Variants in PDS5A observed in about 807,000 individuals in gnomAD.
PDS5A encodes PDS5 cohesin associated factor A, also known as sister chromatid cohesion protein PDS5 homolog A.
A neutral mutation model predicts 167.1 loss-of-function variants in PDS5A; 42 were observed. That is an observed-to-expected ratio of 0.25 (90% CI 0.20 to 0.33). PDS5A has a LOEUF of 0.33. PDS5A is among the 10% of genes least tolerant of loss of function. The pLI is 1.00. For missense variants in PDS5A, 1,033 were observed against 1,605.9 expected (o/e 0.64, Z 6.10); for synonymous variants, 553 against 554.6 (o/e 1.00, Z 0.04).
intron 2 of PDS5A, among the ~76,000 whole-genome samples, chr4:39,966,891 C>T (rs979864333): frequency 3.3e-5 from 3 of 91,986 alleles, no homozygotes; most frequent in Non-Finnish European, 8.0e-5. Flanking sequence ...CCCAGTTACT[C>T]GGGAGGCTGA....
chr4:39,851,417 G>A (rs1718113049), intron 26 of PDS5A, among the ~76,000 whole-genome samples: 1 of 151,780 alleles, frequency 6.6e-6, no homozygotes, highest in African/African-American at 2.4e-5. Context: ...TCCTACCTCA[G>A]CTTCCTGAGT....
At position 39,926,817 on chromosome 4, in the gene PDS5A, A is replaced by G. The variant is rs1725517480; in HGVS notation, c.387T>C (p.Asp129=). 1 of 1,427,140 alleles carries G rather than the reference A, an allele frequency of 7.0e-7. No individual in the cohort carries two copies. Among genetic ancestry groups the G allele is most frequent in the Non-Finnish European group, 9.2e-7 (1 of 1,082,440 alleles). The allele number at this position is 1,427,140 out of a possible 1,614,324, so 88.4% of individuals were successfully genotyped here. A position where few individuals can be genotyped will look rare whatever the true frequency, so the allele number is the denominator to read the frequency against. The change falls in exon 4 of 33, where the codon GAT becomes GAC. Residue 129 remains aspartate, a synonymous_variant. Coordinates refer to ENST00000303538, the MANE Select transcript of PDS5A (RefSeq NM_001100399.2). ...FITRQLKGLE[D]TKSPQFNRYF... is the part of the protein sequence containing the mutation. ...ATCTATTAAACTGTGGACTCTTTGT[A>G]TCCTCCAAACCTTTTAATTGTCTGG...
intron 2 of PDS5A, among the ~76,000 whole-genome samples, chr4:39,958,622 CT>C (rs1445594747): frequency 7.4e-6 from 1 of 134,534 alleles, no homozygotes; most frequent in Non-Finnish European, 1.6e-5. Context: ...TTTTTCTTTT[CT>C]TTTTTCTTTG....
In PDS5A at chr4:39,877,874, C is replaced by T. The variant is rs546048232; in HGVS notation, c.1993-721G>A. Among the ~76,000 whole-genome samples, 9 of 152,138 alleles carry T rather than the reference C, an allele frequency of 5.9e-5. No individual in the cohort carries two copies. In the South Asian group the frequency reaches 1.7e-3, roughly 28 times the overall value. Reference sequence around the variant, plus strand: ...TTCCTGTCTTGGCTGGGATTACAGGCGTAAACCATTGTACCCAGCCAAAAA... The same window carrying T: ...TTCCTGTCTTGGCTGGGATTACAGGTGTAAACCATTGTACCCAGCCAAAAA... On this transcript the variant is annotated intron_variant, in intron 18 of 32. Coordinates refer to ENST00000303538, the MANE Select transcript of PDS5A (RefSeq NM_001100399.2).
chr4:39,876,982 A>G lies in PDS5A; in HGVS notation c.2153+11T>C. On this transcript the variant is annotated intron_variant, in intron 19 of 32. Coordinates refer to ENST00000303538, the MANE Select transcript of PDS5A (RefSeq NM_001100399.2). ...CTTTTGTATTTACCACGGGAGAAAA[A>G]ATGTACTCACGATCGTATCTGGGGA... 1 of 1,595,938 alleles carries G rather than the reference A, an allele frequency of 6.3e-7. No individual in the cohort carries two copies. Among genetic ancestry groups the G allele is most frequent in the Non-Finnish European group, 8.5e-7 (1 of 1,170,432 alleles).
intron 26 of PDS5A, among the ~76,000 whole-genome samples, chr4:39,854,459 T>C (rs987247378): frequency 5.9e-5 from 9 of 152,240 alleles, no homozygotes; most frequent in Admixed American, 4.6e-4. Flanking sequence ...TGCTGTTCCT[T>C]TGACCTCCAA....
chr4:39,861,819 G>C lies in PDS5A; in HGVS notation c.3086+400C>G, dbSNP rs546954675. On this transcript the variant is annotated intron_variant, in intron 26 of 32. Coordinates refer to ENST00000303538, the MANE Select transcript of PDS5A (RefSeq NM_001100399.2). ...TATCAAAATTTTTTAAAAGATATTT[G>C]AAAGTGTTGCATGCTAGAGAGAACA... Among the ~76,000 whole-genome samples the C allele has an allele frequency of 2.6e-5, 4 of 152,216 alleles. No individual in the cohort carries two copies. In the South Asian group the frequency reaches 8.3e-4, roughly 32 times the overall value.
chr4:39,960,986 C>G lies in PDS5A; in HGVS notation c.138+15454G>C, dbSNP rs562010124. ...TACAGGCGTGAGCCACCACACCCAG[C>G]CTAATTTTTTATTTTTTGTAGAGGT... On this transcript the variant is annotated intron_variant, in intron 2 of 32. Transcript: ENST00000303538. Among the ~76,000 whole-genome samples the G allele has an allele frequency of 4.6e-5, 7 of 152,160 alleles. No homozygotes were observed. The South Asian group carries it at 1.5e-3, about 32-fold the overall frequency.
At chr4:39,973,153 C>T (rs1730720718) in intron 2 of PDS5A, 1 of 932,326 alleles carries the variant, frequency 1.1e-6, no homozygotes, top group African/African-American at 1.6e-5. Flanking sequence ...ACCAATGGCA[C>T]TGTTAACTGC....
intron 22 of PDS5A, 97 bp from the exon 23 acceptor site, chr4:39,867,094 T>C (rs963783199): frequency 4.5e-6 from 4 of 898,018 alleles, no homozygotes; most frequent in Non-Finnish European, 6.7e-6. Flanking sequence ...CTCATCTCCA[T>C]CAGCAGACAT....
chr4:39,910,620 A>G (rs1699066188), intron 9 of PDS5A, among the ~76,000 whole-genome samples: 1 of 152,250 alleles, frequency 6.6e-6, no homozygotes, highest in Non-Finnish European at 1.5e-5. Context: ...TATACACTTT[A>G]TGGAGTTAAA....
intron 13 of PDS5A, 138 bp downstream of exon 13, chr4:39,902,209 G>A (rs1722942229): frequency 1.9e-6 from 1 of 538,270 alleles, no homozygotes; most frequent in African/African-American, 2.0e-5. Flanking sequence ...GTAACATTTT[G>A]TCTATAAATA....
chr4:39,921,395 G>C (rs994321759), intron 6 of PDS5A, among the ~76,000 whole-genome samples: 5 of 151,960 alleles, frequency 3.3e-5, no homozygotes, highest in African/African-American at 1.2e-4. Context: ...TTAAAATTAA[G>C]TTAACATTTC....
intron 13 of PDS5A, among the ~76,000 whole-genome samples, chr4:39,901,271 T>TC (rs1179607490): frequency 7.6e-6 from 1 of 132,346 alleles, no homozygotes; most frequent in Non-Finnish European, 1.7e-5. Flanking sequence ...TCTTTCTTTT[T>TC]TTTTTTTTTT....
intron 17 of PDS5A, among the ~76,000 whole-genome samples, chr4:39,881,511 A>G (rs1192915386): frequency 6.6e-6 from 1 of 152,218 alleles, no homozygotes; most frequent in Non-Finnish European, 1.5e-5. Flanking sequence ...GATAACATTA[A>G]AAAAACAAAT....
At chr4:39,974,745 G>A (rs1400182771) in intron 2 of PDS5A, among the ~76,000 whole-genome samples, 8 of 152,050 alleles carry the variant, frequency 5.3e-5, no homozygotes, top group Admixed American at 1.3e-4. Context: ...GACCTCGGGT[G>A]ATTTGCCTGC....
At chr4:39,926,560 A>G (rs890018101) in intron 4 of PDS5A, among the ~76,000 whole-genome samples, 1 of 151,794 alleles carries the variant, frequency 6.6e-6, no homozygotes, top group Non-Finnish European at 1.5e-5. Flanking sequence ...CAAAAGATAT[A>G]GTTTCAAATA....
At chr4:39,961,512 C>T (rs565603439) in intron 2 of PDS5A, among the ~76,000 whole-genome samples, 19 of 152,086 alleles carry the variant, frequency 1.2e-4, no homozygotes, top group Non-Finnish European at 2.6e-4. Context: ...CAGCCCACCT[C>T]GGCCTCCCAA....
intron 11 of PDS5A, among the ~76,000 whole-genome samples, chr4:39,905,949 AAAAC>A (rs1230814955): frequency 2.6e-5 from 4 of 152,110 alleles, no homozygotes; most frequent in African/African-American, 4.8e-5. Context: ...AAAGAAAAGA[AAAAC>A]AAAGACAAAT....
Sources: allele counts gnomAD v4.1 joint callset (sites outside exome capture counted in the v4.1 genomes callset), GRCh38; gene constraint gnomAD v4.1.1; transcripts MANE v1.5; gene names NCBI Gene and HGNC (gene_info 2026-07-23, HGNC 2026-07-21).